The following MTOR variants were observed in gnomAD, a reference collection of about 807,000 sequenced individuals.
MTOR encodes the protein serine/threonine-protein kinase mTOR.
Under a neutral mutation model 319.8 loss-of-function variants are expected in MTOR, and 70 were observed. That is an observed-to-expected ratio of 0.22 (90% CI 0.18 to 0.27). The LOEUF (loss-of-function observed/expected upper bound fraction) is 0.27, where lower values mean the gene tolerates loss of function less well. MTOR is among the 10% of genes least tolerant of loss of function. The pLI, the probability that MTOR is intolerant of heterozygous loss-of-function variation, is 1.00. For missense variants in MTOR, 1,890 were observed against 3,274.4 expected (o/e 0.58, Z 10.32); for synonymous variants, 1,183 against 1,211.4 (o/e 0.98, Z 0.49).
intron 54 of MTOR, among the ~76,000 whole-genome samples, chr1:11,112,362 T>C (rs1641930625): frequency 6.6e-6 from 1 of 152,220 alleles, no homozygotes; most frequent in African/African-American, 2.4e-5. Flanking sequence ...TAAAATCAGA[T>C]AGTTTGATAA....
intron 28 of MTOR, among the ~76,000 whole-genome samples, chr1:11,182,929 T>C (rs1020031251): frequency 3.3e-5 from 5 of 152,232 alleles, no homozygotes; most frequent in Non-Finnish European, 7.3e-5. Context: ...GCGGACACTC[T>C]TGTCCATGTC....
rs189417679 is a variant in MTOR at position 11,109,806 on chromosome 1, C to T, written c.7367-77G>A. 5.4e-4 allele frequency: 700 copies of T among 1,286,734 alleles called. 1 individual carries two copies. The Middle Eastern group carries it at 5.4e-3, about 10-fold the overall frequency. 79.7% of individuals were successfully genotyped at this position (1,286,734 alleles called of 1,614,324 possible). On this transcript the variant is annotated intron_variant, in intron 54 of 57. Transcript: ENST00000361445. This position sits in a 1 kb window ranked among gnomAD's most constrained non-coding sequence, Gnocchi z 4.0. ...GTTGGTGTTAGCATCTAATTCTCTA[C>T]GCACTCTATTCCTTTAACGCCTGCC...
intron 28 of MTOR, chr1:11,194,502 T>C (rs1430317188): frequency 6.2e-7 from 1 of 1,614,166 alleles, no homozygotes. Flanking sequence ...ATAGCCACTT[T>C]GTTTTGGGCA....
intron 18 of MTOR, among the ~76,000 whole-genome samples, chr1:11,229,470 A>G (rs1646949155): frequency 6.6e-6 from 1 of 152,154 alleles, no homozygotes; most frequent in African/African-American, 2.4e-5. Context: ...AACTAAACAG[A>G]TGAAGAGCTG....
intron 52 of MTOR, 37 bp downstream of exon 52, chr1:11,114,776 C>A (rs776375433): frequency 2.8e-5 from 44 of 1,593,696 alleles, no homozygotes; most frequent in South Asian, 1.1e-5. Context: ...CTGTCCTGAT[C>A]CCATTTGGAA....
At position 11,141,837 on chromosome 1, in the gene MTOR, AT is replaced by A. The variant is rs1379246436; in HGVS notation, c.4873-2180del. ...CCGTCTCTACTAAAAAATAAAAAAAATAATAAAAAAAAAATTAGCCAGGCGT... is the reference window on the plus strand; with the variant it reads ...CCGTCTCTACTAAAAAATAAAAAAAAAATAAAAAAAAAATTAGCCAGGCGT... On this transcript the variant is annotated intron_variant, in intron 34 of 57. Coordinates refer to ENST00000361445, the MANE Select transcript of MTOR (RefSeq NM_004958.4). Among the ~76,000 whole-genome samples the A allele has an allele frequency of 1.1e-3, 158 of 150,360 alleles. 1 individual carries two copies. The highest frequency in any genetic ancestry group is 5.4e-3 in the South Asian group (26 of 4,798).
intron 49 of MTOR, among the ~76,000 whole-genome samples, chr1:11,119,677 C>T (rs993080850): frequency 2.1e-5 from 3 of 144,842 alleles, no homozygotes; most frequent in Non-Finnish European, 3.0e-5. Flanking sequence ...ACCTGGGAGA[C>T]GGAGTATGTA....
chr1:11,177,977 T>C (rs1325549788), intron 28 of MTOR, among the ~76,000 whole-genome samples: 1 of 51,144 alleles, frequency 2.0e-5, no homozygotes, highest in African/African-American at 7.3e-5. Context: ...TACAATTTTG[T>C]ATGCTGCCTT....
At chr1:11,236,509 GTT>G (rs1182732565) in intron 13 of MTOR, among the ~76,000 whole-genome samples, 15 of 123,990 alleles carry the variant, frequency 1.2e-4, no homozygotes, top group Admixed American at 2.5e-4. Context: ...GTGATTTCAC[GTT>G]TTTTTTTTTT....
At position 11,209,782 on chromosome 1, in the gene MTOR, C is replaced by T. The variant is rs565149641; in HGVS notation, c.3655-324G>A. On this transcript the variant is annotated intron_variant, in intron 24 of 57. Transcript: ENST00000361445. ...AAAGGTGGCAAACAGCCCCCATCCC[C>T]TGGCTTTTTAAAACTTTTTAAAAAG... Among the ~76,000 whole-genome samples the T allele has an allele frequency of 2.0e-5, 3 of 152,354 alleles. No homozygotes were observed. The South Asian group carries it at 6.2e-4, about 32-fold the overall frequency.
chr1:11,202,862 C>T (rs531754720), intron 26 of MTOR, among the ~76,000 whole-genome samples: 26 of 152,080 alleles, frequency 1.7e-4, no homozygotes, highest in African/African-American at 6.3e-4. Flanking sequence ...GAGCCGAGAT[C>T]GTCCCACTGC....
intron 19 of MTOR, among the ~76,000 whole-genome samples, chr1:11,222,173 T>A (rs960974206): frequency 3.9e-5 from 6 of 151,970 alleles, no homozygotes; most frequent in African/African-American, 7.2e-5. Flanking sequence ...TTATATAAAG[T>A]TCTTTTTTAA....
At chr1:11,136,307 C>G (rs777868893) in intron 36 of MTOR, among the ~76,000 whole-genome samples, 1 of 152,158 alleles carries the variant, frequency 6.6e-6, no homozygotes, top group Non-Finnish European at 1.5e-5. Context: ...AACAATTGAT[C>G]AAGCAGCTAA....
chr1:11,235,222 G>A (rs1647159691), intron 13 of MTOR, among the ~76,000 whole-genome samples: 1 of 152,146 alleles, frequency 6.6e-6, no homozygotes, highest in South Asian at 2.1e-4. Flanking sequence ...CTGCAGCAGT[G>A]CGGGGCCAAT....
At chr1:11,164,694 C>T (rs1326571089) in intron 29 of MTOR, among the ~76,000 whole-genome samples, 3 of 152,088 alleles carry the variant, frequency 2.0e-5, no homozygotes, top group South Asian at 4.1e-4. Context: ...CATTCCTTCC[C>T]TCTGAAACTA....
intron 28 of MTOR, among the ~76,000 whole-genome samples, chr1:11,174,444 T>C (rs1208113202): frequency 6.6e-6 from 1 of 152,214 alleles, no homozygotes; most frequent in African/African-American, 2.4e-5. Context: ...AAGCTACTAA[T>C]ATGCCTCCAG....
chr1:11,237,821 G>A lies in MTOR; in HGVS notation c.2208+22C>T, dbSNP rs553297885. 6.9e-5 allele frequency: 112 copies of A among 1,613,352 alleles called. 2 individuals are homozygous for A. The South Asian group carries it at 1.2e-3, about 17-fold the overall frequency. ...AGAGTCCTGTCTTCCCTGCCTGTGG[G>A]TCTGGCCATCACCTCGGTTACCTGG... On this transcript the variant is annotated intron_variant, in intron 13 of 57. Transcript: ENST00000361445.
intron 6 of MTOR, 21 bp from the exon 7 acceptor site, chr1:11,248,115 A>G: frequency 1.3e-6 from 2 of 1,558,014 alleles, no homozygotes; most frequent in Non-Finnish European, 1.7e-6. Context: ...GAGGAGGAAA[A>G]AAATCATCTT....
At chr1:11,140,004 TA>T (rs111926358) in intron 34 of MTOR, among the ~76,000 whole-genome samples, 4,541 of 152,166 alleles carry the variant, frequency 0.03, 174 homozygotes, top group Admixed American at 0.071. Flanking sequence ...CTTGTATTTT[TA>T]ATAGAGATGG....
Sources: allele counts gnomAD v4.1 joint callset (sites outside exome capture counted in the v4.1 genomes callset), GRCh38; gene constraint gnomAD v4.1.1; non-coding constraint Gnocchi (gnomAD v3.1); transcripts MANE v1.5; gene names NCBI Gene and HGNC (gene_info 2026-07-23, HGNC 2026-07-21).